The following TLE2 variants were observed in gnomAD, a reference collection of about 807,000 sequenced individuals.
The protein encoded by TLE2 is TLE family member 2, transcriptional corepressor.
In TLE2, 74 loss-of-function variants were observed where a neutral mutation model predicts 97.2. The ratio of observed to expected loss-of-function variants is 0.76; its 90% confidence interval spans 0.63 to 0.92. The LOEUF is 0.92. Among genes scored for constraint, TLE2 ranks in the 40% least tolerant of loss-of-function variants. TLE2 has a pLI of 0.00. For missense variants in TLE2, 1,038 were observed against 1,008.7 expected, an observed-to-expected ratio of 1.03 and a Z score of -0.39; for synonymous variants, 499 against 432.1, an observed-to-expected ratio of 1.15 and a Z score of -1.92.
In TLE2 at chr19:3,009,083, A is replaced by C. The variant is rs142444584; in HGVS notation, c.1174-138T>G. 786 of 616,436 alleles carry C rather than the reference A, an allele frequency of 1.3e-3. 10 individuals are homozygous for C. In the African/African-American group the frequency reaches 0.014, roughly 11 times the overall value. The allele number at this position is 616,436 out of a possible 1,614,324, so 38.2% of individuals were successfully genotyped here. ...CAGAGATGCCTTCTCTCTGCCTGTCACACTACAGATGAGAGGGCTGAGGTT... is the reference window on the plus strand; with the variant it reads ...CAGAGATGCCTTCTCTCTGCCTGTCCCACTACAGATGAGAGGGCTGAGGTT... On this transcript the variant is annotated intron_variant, in intron 13 of 19. Transcript: ENST00000262953.
At chr19:3,018,599 TTTTA>T (rs1555692714) in intron 7 of TLE2, among the ~76,000 whole-genome samples, 3 of 150,380 alleles carry the variant, frequency 2.0e-5, no homozygotes, top group Non-Finnish European at 4.4e-5. Context: ...GGCTATCTAT[TTTTA>T]TTTATTTATT....
At chr19:3,004,940 A>G (rs917074598) in intron 17 of TLE2, among the ~76,000 whole-genome samples, 1 of 152,004 alleles carries the variant, frequency 6.6e-6, no homozygotes, top group Non-Finnish European at 1.5e-5. Flanking sequence ...AGGAGCCCCC[A>G]GCTCTGTCCA....
chr19:2,998,276 T>TGTGTG (rs1339449267), intron 19 of TLE2, among the ~76,000 whole-genome samples: 2 of 76,044 alleles, frequency 2.6e-5, no homozygotes, highest in Middle Eastern at 5.6e-3. Context: ...TGTGTGTGTG[T>TGTGTG]AATTTTTTTT....
chr19:3,006,362 G>A (rs1262685472), intron 15 of TLE2, 58 bp downstream of exon 15: 1 of 1,573,412 alleles, frequency 6.4e-7, no homozygotes, highest in African/African-American at 1.3e-5. Context: ...CGCCCCATTG[G>A]AACATAAGCC....
intron 17 of TLE2, among the ~76,000 whole-genome samples, chr19:3,003,727 C>T (rs2089416373): frequency 6.8e-6 from 1 of 146,976 alleles, no homozygotes; most frequent in African/African-American, 2.5e-5. Context: ...TTGAGACAGA[C>T]AGGGTCTTGC....
At chr19:3,045,644 A>AC (rs1366437738) in intron 1 of TLE2, 15 of 375,294 alleles carry the variant, frequency 4.0e-5, no homozygotes, top group South Asian at 2.5e-4. Context: ...TGGTGAAACC[A>AC]CCCCCCACCC....
At chr19:3,010,234 C>T (rs1291530756) in intron 12 of TLE2, among the ~76,000 whole-genome samples, 2 of 151,868 alleles carry the variant, frequency 1.3e-5, no homozygotes, top group South Asian at 4.2e-4. Flanking sequence ...CATGGTGGTG[C>T]ATGCCCGTAA....
chr19:3,019,432 G>T lies in TLE2; in HGVS notation c.401C>A (p.Pro134His). The change falls in exon 7 of 20, where the codon CCC (proline) becomes CAC (histidine). Residue 134 changes from proline (P) to histidine (H), a missense_variant. Transcript: ENST00000262953. The surrounding 1 kb of genome is among the most constrained non-coding windows in gnomAD (Gnocchi z 5.1). ...QQLQPLSHHA[P>H]PVPLTPRPAG... ...TGGGCGGGGGGTGAGGGGCACAGGG[G>T]GTGCGTGGTGGGACAGCGGCTGGAG... The T allele has an allele frequency of 6.5e-7, 1 of 1,533,282 alleles. No individual in the cohort carries two copies. The highest frequency in any genetic ancestry group is 2.0e-5 in the Admixed American group (1 of 50,454). 95.0% of individuals were successfully genotyped at this position (1,533,282 alleles called of 1,614,324 possible). A position where few individuals can be genotyped will look rare whatever the true frequency, so the allele number is the denominator to read the frequency against.
At chr19:3,036,386 G>T (rs2090062951) in intron 1 of TLE2, among the ~76,000 whole-genome samples, 1 of 152,204 alleles carries the variant, frequency 6.6e-6, no homozygotes, top group African/African-American at 2.4e-5. Context: ...CTCCCTCCCT[G>T]CCGGCTCCCG....
intron 19 of TLE2, among the ~76,000 whole-genome samples, chr19:2,998,718 A>C (rs2089283054): frequency 1.3e-5 from 2 of 152,278 alleles, no homozygotes; most frequent in Admixed American, 1.3e-4. Flanking sequence ...CGGCAGAGCG[A>C]CTTGTTTTCT....
In TLE2 at chr19:3,028,319, C is replaced by T. The variant is rs753571066; in HGVS notation, c.186G>A (p.Met62Ile). 2 of 1,608,098 alleles carry T rather than the reference C, an allele frequency of 1.2e-6. No individual in the cohort carries two copies. The highest frequency in any genetic ancestry group is 1.7e-6 in the Non-Finnish European group (2 of 1,177,192). Reference protein sequence around the residue: ...EKTEMQRHYVMYYEMSYGLNI... With the variant: ...EKTEMQRHYVIYYEMSYGLNI... ...ACCCTGGCATCATAAGTGCCCTCAC[C>T]ATGACATAATGTCGCTGCATTTCCG... The change falls in exon 3 of 20, where the codon ATG (methionine) becomes ATA (isoleucine). Residue 62 changes from methionine (M) to isoleucine (I), a missense_variant and splice_region_variant. Coordinates refer to ENST00000262953, the MANE Select transcript of TLE2 (RefSeq NM_003260.5).
chr19:3,011,234 G>A, intron 11 of TLE2, 74 bp from the exon 12 acceptor site: 2 of 1,465,070 alleles, frequency 1.4e-6, no homozygotes, highest in Non-Finnish European at 1.8e-6. Flanking sequence ...ATCAGAAACT[G>A]GGGTTGGGGG....
At chr19:3,010,522 C>T (rs1177965873) in intron 12 of TLE2, among the ~76,000 whole-genome samples, 3 of 152,108 alleles carry the variant, frequency 2.0e-5, no homozygotes, top group Non-Finnish European at 4.4e-5. Context: ...GTTTTGGGGT[C>T]TGGGTCCTGT....
intron 9 of TLE2, 62 bp downstream of exon 9, chr19:3,015,591 G>T: frequency 7.2e-7 from 1 of 1,382,668 alleles, no homozygotes; most frequent in Non-Finnish European, 1.0e-6. Context: ...GGAAGGCTCT[G>T]AGGGGCCAGG....
chr19:3,025,735 G>T, intron 4 of TLE2: 1 of 428,400 alleles, frequency 2.3e-6, no homozygotes, highest in Non-Finnish European at 3.1e-6. Flanking sequence ...TTACAGGTGT[G>T]CTGTGTGTCT....
At chr19:3,020,146 G>T (rs1195869781) in intron 5 of TLE2, 1 of 215,722 alleles carries the variant, frequency 4.6e-6, no homozygotes, top group Non-Finnish European at 9.3e-6. Context: ...TGAGGCAGGA[G>T]AATCGCTTGA....
chr19:3,015,407 G>A (rs1201456441), intron 9 of TLE2, among the ~76,000 whole-genome samples: 1 of 152,234 alleles, frequency 6.6e-6, no homozygotes, highest in African/African-American at 2.4e-5. Context: ...GAAAACAGCT[G>A]GAGCAAAAGC....
In TLE2 at chr19:3,019,783, G is replaced by T; in HGVS notation, c.295-10C>A. The T allele has an allele frequency of 6.2e-7, 1 of 1,610,794 alleles. No homozygotes were observed. The stretch of plus-strand genomic sequence containing the variant: ...GCACCTGCTGCTGATGCTGGCGGGT[G>T]GAAGGGATCAGGTAGAGGGTACATT... On this transcript the variant is annotated splice_polypyrimidine_tract_variant and intron_variant, in intron 5 of 19. Coordinates refer to ENST00000262953, the MANE Select transcript of TLE2 (RefSeq NM_003260.5). The surrounding 1 kb of genome is among the most constrained non-coding windows in gnomAD (Gnocchi z 5.1).
chr19:3,010,634 T>C (rs2089575185), intron 12 of TLE2, among the ~76,000 whole-genome samples: 1 of 152,124 alleles, frequency 6.6e-6, no homozygotes, highest in African/African-American at 2.4e-5. Context: ...GCAGAAAAGA[T>C]GAGCACTGTC....
Sources: gnomAD v4.1 joint callset for allele counts (sites outside exome capture counted in the v4.1 genomes callset) on GRCh38, gnomAD v4.1.1 for gene constraint, Gnocchi (gnomAD v3.1) non-coding constraint, MANE v1.5 for transcripts, NCBI Gene and HGNC (gene_info 2026-07-23, HGNC 2026-07-21) for gene names.